The following AGBL4 variants were observed in gnomAD, a reference collection of about 807,000 sequenced individuals.
The protein encoded by AGBL4 is cytosolic carboxypeptidase 6.
A neutral mutation model predicts 66.4 loss-of-function variants in AGBL4; 58 were observed. The ratio of observed to expected loss-of-function variants is 0.87; its 90% CI spans 0.71 to 1.09. The LOEUF is 1.09. AGBL4 is among the 50% of genes least tolerant of loss of function. The probability of loss-of-function intolerance (pLI) is 0.00; values close to 1 mark genes in which losing one functional copy is unlikely to be tolerated. For synonymous variants in AGBL4, 234 were observed against 222.9 expected (o/e 1.05, Z -0.44); for missense variants, 579 against 631.0 (o/e 0.92, Z 0.88).
chr1:49,413,782 T>C (rs1645369188), intron 3 of AGBL4, among the ~76,000 whole-genome samples: 1 of 152,224 alleles, frequency 6.6e-6, no homozygotes, highest in Non-Finnish European at 1.5e-5. Context: ...CATTATGATG[T>C]AGTAAATAGA....
At chr1:49,110,887 C>A (rs1211161119) in intron 4 of AGBL4, among the ~76,000 whole-genome samples, 1 of 152,094 alleles carries the variant, frequency 6.6e-6, no homozygotes, top group Non-Finnish European at 1.5e-5. Context: ...TTATGTGGGC[C>A]TCTTCTCTTC....
intron 1 of AGBL4, among the ~76,000 whole-genome samples, chr1:49,965,837 T>A (rs1388101562): frequency 1.3e-5 from 2 of 152,166 alleles, no homozygotes; most frequent in African/African-American, 2.4e-5. Context: ...TTTATTAAAT[T>A]TTTTTACATT....
At chr1:49,050,278 C>T (rs1478945489) in intron 4 of AGBL4, among the ~76,000 whole-genome samples, 2 of 152,116 alleles carry the variant, frequency 1.3e-5, no homozygotes, top group Non-Finnish European at 2.9e-5. Context: ...CACACACACA[C>T]GCACTCTCTC....
intron 3 of AGBL4, among the ~76,000 whole-genome samples, chr1:49,401,377 G>C (rs897537947): frequency 1.3e-5 from 2 of 152,174 alleles, no homozygotes; most frequent in East Asian, 3.9e-4. Context: ...TTCAAGATGA[G>C]ATTTGGGTGG....
At chr1:48,782,859 A>G (rs1172765114) in intron 6 of AGBL4, among the ~76,000 whole-genome samples, 1 of 152,166 alleles carries the variant, frequency 6.6e-6, no homozygotes, top group South Asian at 2.1e-4. Flanking sequence ...GCATGTATCC[A>G]CCATTATGGT....
At chr1:49,139,375 A>G (rs1646073317) in intron 4 of AGBL4, among the ~76,000 whole-genome samples, 1 of 152,170 alleles carries the variant, frequency 6.6e-6, no homozygotes, top group Non-Finnish European at 1.5e-5. Flanking sequence ...TCATTTATTC[A>G]TTCATCCATC....
intron 1 of AGBL4, among the ~76,000 whole-genome samples, chr1:49,922,833 A>G (rs1201613867): frequency 1.3e-5 from 2 of 152,220 alleles, no homozygotes; most frequent in Non-Finnish European, 2.9e-5. Context: ...CAAATGGAAA[A>G]GCATTACATG....
At chr1:49,954,673 G>A (rs1656448598) in intron 1 of AGBL4, among the ~76,000 whole-genome samples, 1 of 151,958 alleles carries the variant, frequency 6.6e-6, no homozygotes, top group Non-Finnish European at 1.5e-5. Context: ...TGACCAGTTA[G>A]GCATAAATAT....
chr1:49,699,172 A>G (rs1046882109), intron 2 of AGBL4, among the ~76,000 whole-genome samples: 2 of 152,078 alleles, frequency 1.3e-5, no homozygotes, highest in Non-Finnish European at 2.9e-5. Flanking sequence ...GCTTTGTGTT[A>G]TAAAAGAAAC....
chr1:49,902,108 C>A (rs1254811475), intron 1 of AGBL4, among the ~76,000 whole-genome samples: 6 of 152,028 alleles, frequency 3.9e-5, no homozygotes, highest in Non-Finnish European at 8.8e-5. Flanking sequence ...TAGGAAATAC[C>A]ATTCTGGACA....
chr1:48,873,486 G>A lies in AGBL4; in HGVS notation c.595-6256C>T, dbSNP rs533691786. Among the ~76,000 whole-genome samples, 5 of 152,034 alleles carry A rather than the reference G, an allele frequency of 3.3e-5. No homozygotes were observed. In the South Asian group the frequency reaches 6.2e-4, roughly 19 times the overall value. ...CAGAGCACCATCACATTGTATTTCC[G>A]TGACCTCCTCACTCCTCCATCCTCT... is the stretch of plus-strand genomic sequence containing the variant. On this transcript the variant is annotated intron_variant, in intron 5 of 13. Coordinates refer to ENST00000371839, the MANE Select transcript of AGBL4 (RefSeq NM_032785.4).
intron 1 of AGBL4, among the ~76,000 whole-genome samples, chr1:49,988,964 C>T (rs1197546621): frequency 6.6e-6 from 1 of 152,154 alleles, no homozygotes. Flanking sequence ...CATTAAACTG[C>T]CTTAATGCTA....
intron 4 of AGBL4, among the ~76,000 whole-genome samples, chr1:49,047,809 G>C (rs1052961210): frequency 3.3e-5 from 5 of 152,140 alleles, no homozygotes; most frequent in Non-Finnish European, 5.9e-5. Flanking sequence ...TGAACTTAAA[G>C]ACTGAGGATC....
chr1:49,137,487 G>A (rs1646034004), intron 4 of AGBL4, among the ~76,000 whole-genome samples: 1 of 152,088 alleles, frequency 6.6e-6, no homozygotes, highest in South Asian at 2.1e-4. Context: ...TTCTAAAGTA[G>A]AGACTGTAAT....
intron 6 of AGBL4, among the ~76,000 whole-genome samples, chr1:48,777,332 T>C (rs1645149643): frequency 6.6e-6 from 1 of 151,866 alleles, no homozygotes; most frequent in Non-Finnish European, 1.5e-5. Flanking sequence ...GAATGCGGGA[T>C]AGGGGTGGGG....
At chr1:48,536,967 C>T (rs1000237232) in intron 12 of AGBL4, among the ~76,000 whole-genome samples, 1 of 152,278 alleles carries the variant, frequency 6.6e-6, no homozygotes, top group East Asian at 1.9e-4. Context: ...CCAATGATGC[C>T]GGCAGGCTTC....
chr1:48,831,887 A>G (rs761504588), intron 6 of AGBL4, among the ~76,000 whole-genome samples: 1 of 152,218 alleles, frequency 6.6e-6, no homozygotes, highest in Non-Finnish European at 1.5e-5. Context: ...CAGACCTGGC[A>G]ATACAGGGAT....
At chr1:48,859,909 C>A (rs988193672) in intron 6 of AGBL4, among the ~76,000 whole-genome samples, 2 of 151,990 alleles carry the variant, frequency 1.3e-5, no homozygotes, top group East Asian at 1.9e-4. Flanking sequence ...TAATATACAA[C>A]AATAGGGGAA....
At chr1:48,637,566 C>G (rs904789274) in intron 8 of AGBL4, among the ~76,000 whole-genome samples, 1 of 152,182 alleles carries the variant, frequency 6.6e-6, no homozygotes, top group Non-Finnish European at 1.5e-5. Flanking sequence ...GCTCAGGCAC[C>G]AGCCACTCCT....
Sources: allele counts gnomAD v4.1 joint callset (sites outside exome capture counted in the v4.1 genomes callset), GRCh38; gene constraint gnomAD v4.1.1; transcripts MANE v1.5; gene names NCBI Gene and HGNC (gene_info 2026-07-23, HGNC 2026-07-21).